Variants in POU2F1 observed in about 807,000 individuals in gnomAD.
POU2F1 encodes the protein POU domain, class 2, transcription factor 1.
POU2F1 carries 16 observed loss-of-function variants against 84.9 expected under a neutral mutation model. The observed-to-expected ratio is 0.19, with a 90% CI of 0.13 to 0.29. POU2F1 has a LOEUF of 0.29. POU2F1 is among the 10% of genes least tolerant of loss of function. POU2F1 has a pLI of 1.00. For missense variants in POU2F1, 738 were observed against 942.6 expected, an observed-to-expected ratio of 0.78 and a Z score of 2.84; for synonymous variants, 368 against 368.3, an observed-to-expected ratio of 1.00 and a Z score of 0.01.
chr1:167,284,081 C>T (rs1653353622), intron 1 of POU2F1, among the ~76,000 whole-genome samples: 1 of 152,132 alleles, frequency 6.6e-6, no homozygotes, highest in Non-Finnish European at 1.5e-5. Context: ...CTCTAACTGT[C>T]CTATTTTGTA....
At chr1:167,297,428 T>C (rs906209137) in intron 1 of POU2F1, among the ~76,000 whole-genome samples, 3 of 152,202 alleles carry the variant, frequency 2.0e-5, no homozygotes, top group Non-Finnish European at 4.4e-5. Context: ...ACCCTCATGG[T>C]TGCAAAATAA....
chr1:167,358,531 G>C (rs1010563501), intron 2 of POU2F1, among the ~76,000 whole-genome samples: 16 of 151,674 alleles, frequency 1.1e-4, no homozygotes, highest in Non-Finnish European at 1.8e-4. Context: ...TTATTCTCTT[G>C]GGAAGATTTT....
At position 167,415,526 on chromosome 1, in the gene POU2F1, A is replaced by G. The variant is rs765560082; in HGVS notation, c.2017A>G (p.Ile673Val). 4.3e-6 allele frequency: 7 copies of G among 1,613,976 alleles called. No individual in the cohort carries two copies. The highest frequency in any genetic ancestry group is 5.9e-6 in the Non-Finnish European group (7 of 1,180,014). The stretch of plus-strand genomic sequence containing the variant: ...TCTTGCTTCTGGTGGCTCTCTTCCA[A>G]TAACATCACTTGATGCAACTGGGAA... The part of the protein sequence containing the change: ...QALASGGSLP[I>V]TSLDATGNLV... Residue 673 changes from isoleucine to valine, a missense_variant, in exon 16 of 16, where the codon ATA (isoleucine) becomes GTA (valine). Around this residue, in one of 4 missense-constraint regions of POU2F1, gnomAD observed 319 missense variants for 386.0 expected, o/e 0.83. Transcript: ENST00000367866.
chr1:167,310,742 G>T (rs1011427409), intron 1 of POU2F1, among the ~76,000 whole-genome samples: 8 of 152,066 alleles, frequency 5.3e-5, no homozygotes, highest in Admixed American at 4.6e-4. Flanking sequence ...GAGTAATTAT[G>T]GACACACTTG....
chr1:167,412,139 C>G lies in POU2F1; in HGVS notation c.1736C>G (p.Pro579Arg). ...TQTTSTPLSS[P>R]LGTSQVMVTA... Reference sequence around the variant, plus strand: ...ACCACCTCCACTCCTTTGTCCTCCCCTCTTGGGACCAGCCAGGTGATGGTG... The same window carrying G: ...ACCACCTCCACTCCTTTGTCCTCCCGTCTTGGGACCAGCCAGGTGATGGTG... Residue 579 changes from proline to arginine, a missense_variant, in exon 14 of 16, where the codon CCT becomes CGT. Physicochemically the swap from Pro to Arg is moderately radical, Grantham distance 103. Around this residue, in one of 4 missense-constraint regions of POU2F1, gnomAD observed 319 missense variants for 386.0 expected, o/e 0.83. Coordinates refer to ENST00000367866, the MANE Select transcript of POU2F1 (RefSeq NM_002697.4). 2 of 1,614,226 alleles carry G rather than the reference C, an allele frequency of 1.2e-6. No individual in the cohort carries two copies. The highest frequency in any genetic ancestry group is 1.7e-6 in the Non-Finnish European group (2 of 1,180,044).
intron 2 of POU2F1, among the ~76,000 whole-genome samples, chr1:167,336,133 A>G (rs1331610857): frequency 6.6e-6 from 1 of 152,242 alleles, no homozygotes; most frequent in Non-Finnish European, 1.5e-5. Flanking sequence ...CTTAAAATGT[A>G]TCAGAACTTA....
chr1:167,351,540 A>AAAAAG (rs1658578284), intron 2 of POU2F1, among the ~76,000 whole-genome samples: 1 of 143,822 alleles, frequency 7.0e-6, no homozygotes, highest in African/African-American at 2.8e-5. Flanking sequence ...AAAAAAAAAA[A>AAAAAG]AAAGAAAGAA....
chr1:167,378,402 ATTTTTTTTT>A (rs71572454), intron 7 of POU2F1, among the ~76,000 whole-genome samples: 1 of 108,448 alleles, frequency 9.2e-6, no homozygotes. Context: ...TGCCCAGCTA[ATTTTTTTTT>A]TTTTTTTTTT....
rs975731513 is a variant in POU2F1 at position 167,394,290 on chromosome 1, G to A, written c.988-1996G>A. 7.2e-5 allele frequency among the ~76,000 whole-genome samples: 11 copies of A among 152,088 alleles called. No individual in the cohort carries two copies. In the South Asian group the frequency reaches 1.7e-3, roughly 23 times the overall value. ...CCCGCCTGGGCCTCTTAAAGTGCTG[G>A]GATTACAGTTGTGAGCCACCGTGCC... On this transcript the variant is annotated intron_variant, in intron 9 of 15. Transcript: ENST00000367866.
At chr1:167,241,317 C>G (rs1304797239) in intron 1 of POU2F1, 1 of 152,110 alleles carries the variant, frequency 6.6e-6, no homozygotes, top group African/African-American at 2.4e-5. Context: ...TCAAAGAGGT[C>G]TGTAGAATCT....
intron 1 of POU2F1, among the ~76,000 whole-genome samples, chr1:167,289,136 A>G (rs371619881): frequency 2.0e-4 from 30 of 152,326 alleles, no homozygotes; most frequent in African/African-American, 6.3e-4. Flanking sequence ...CTTTATTCCA[A>G]ATCAATAAAT....
chr1:167,247,652 A>G (rs1469106941), intron 1 of POU2F1, among the ~76,000 whole-genome samples: 1 of 152,128 alleles, frequency 6.6e-6, no homozygotes, highest in African/African-American at 2.4e-5. Flanking sequence ...CAGTATACAT[A>G]CTATTCCATA....
intron 1 of POU2F1, among the ~76,000 whole-genome samples, chr1:167,305,562 C>T (rs540873665): frequency 5.9e-5 from 9 of 152,112 alleles, no homozygotes; most frequent in Admixed American, 1.3e-4. Flanking sequence ...ATTCCTGGTA[C>T]GGTGTGGAGA....
chr1:167,393,629 T>C (rs1385194235), intron 9 of POU2F1, among the ~76,000 whole-genome samples: 1 of 152,100 alleles, frequency 6.6e-6, no homozygotes, highest in Non-Finnish European at 1.5e-5. Context: ...CTTCCAAGTA[T>C]CTGGGACTAC....
At chr1:167,337,413 T>C (rs1657546723) in intron 2 of POU2F1, among the ~76,000 whole-genome samples, 1 of 151,998 alleles carries the variant, frequency 6.6e-6, no homozygotes, top group African/African-American at 2.4e-5. Context: ...CTAATGTGAT[T>C]TGAGAGGAAG....
At chr1:167,378,237 T>C (rs1264915713) in intron 7 of POU2F1, among the ~76,000 whole-genome samples, 1 of 152,114 alleles carries the variant, frequency 6.6e-6, no homozygotes, top group Non-Finnish European at 1.5e-5. Context: ...TTGTTCTTTG[T>C]TTTTTGGGAT....
At chr1:167,387,831 A>G (rs747222250) in intron 8 of POU2F1, among the ~76,000 whole-genome samples, 4 of 152,206 alleles carry the variant, frequency 2.6e-5, no homozygotes, top group Non-Finnish European at 5.9e-5. Flanking sequence ...AGAGTATTTT[A>G]TTTTTAAAAA....
intron 1 of POU2F1, among the ~76,000 whole-genome samples, chr1:167,251,303 G>A (rs1033208132): frequency 2.0e-5 from 3 of 152,172 alleles, no homozygotes; most frequent in Middle Eastern, 3.2e-3. Flanking sequence ...GGAGGCTGAG[G>A]TGGGAGGATT....
At chr1:167,315,675 A>G (rs1655839925) in intron 1 of POU2F1, among the ~76,000 whole-genome samples, 1 of 152,002 alleles carries the variant, frequency 6.6e-6, no homozygotes, top group Non-Finnish European at 1.5e-5. Flanking sequence ...GTGTGGTGAC[A>G]TGCTGGTAGT....
Sources: gnomAD v4.1 joint callset for allele counts (sites outside exome capture counted in the v4.1 genomes callset) on GRCh38, gnomAD v4.1.1 for gene constraint, gnomAD v4.1.1 regional missense constraint, MANE v1.5 for transcripts, NCBI Gene and HGNC (gene_info 2026-07-23, HGNC 2026-07-21) for gene names.